ID3: variants seen among roughly 807,000 people sequenced by gnomAD.
The protein encoded by ID3 is inhibitor of DNA binding 3, also known as DNA-binding protein inhibitor ID-3.
In ID3, 4 loss-of-function variants were observed where a neutral mutation model predicts 9.6. That is an observed-to-expected ratio of 0.42 (90% confidence interval 0.21 to 0.96). ID3 has a LOEUF of 0.96. Among genes scored for constraint, ID3 ranks in the 40% least tolerant of loss-of-function variants. The pLI, the probability that ID3 is intolerant of heterozygous loss-of-function variation, is 0.30. For synonymous variants in ID3, 108 were observed against 75.2 expected (o/e 1.44, Z -2.26); for missense variants, 191 against 164.5 (o/e 1.16, Z -0.88).
In ID3 at chr1:23,557,965, A is replaced by C. The variant is rs1243728537; in HGVS notation, c.*476T>G. Reference sequence around the variant, plus strand: ...AAAATCGTTTATTATGCAAAATGTTAACTTTTATAAAAAGTTTAATATACA... The same window carrying C: ...AAAATCGTTTATTATGCAAAATGTTCACTTTTATAAAAAGTTTAATATACA... On this transcript the variant is annotated 3_prime_UTR_variant, in exon 3 of 3. Coordinates refer to ENST00000374561, the MANE Select transcript of ID3 (RefSeq NM_002167.5). 1 of 152,678 alleles carries C rather than the reference A, an allele frequency of 6.5e-6. No homozygotes were observed. The highest frequency in any genetic ancestry group is 1.5e-5 in the Non-Finnish European group (1 of 68,050). The allele number at this position is 152,678 out of a possible 1,614,324, so 9.5% of individuals were successfully genotyped here.
chr1:23,559,409 C>T lies in ID3; in HGVS notation c.18G>A (p.Pro6=), dbSNP rs367630056. The T allele has an allele frequency of 3.5e-5, 56 of 1,612,118 alleles. No individual in the cohort carries two copies. Among genetic ancestry groups the T allele is most frequent in the African/African-American group, 1.5e-4 (11 of 74,930 alleles). Reference sequence around the variant, plus strand: ...ACACCGCCTCGTAGCAGCCGCGCACCGGGCTCAGCGCCTTCATGCTGGGGA... The same window carrying T: ...ACACCGCCTCGTAGCAGCCGCGCACTGGGCTCAGCGCCTTCATGCTGGGGA... MKALS[P]VRGCYEAVCC... Residue 6 remains proline (P), a synonymous_variant, in exon 1 of 3, where the codon CCG becomes CCA. Coordinates refer to ENST00000374561, the MANE Select transcript of ID3 (RefSeq NM_002167.5).
In ID3 at chr1:23,559,130, G is replaced by T. The variant is rs1193477393; in HGVS notation, c.297C>A (p.Ile99=). 4 of 1,613,752 alleles carry T rather than the reference G, an allele frequency of 2.5e-6. No homozygotes were observed. Reference sequence around the variant, plus strand: ...CTGTCCCGACTTCGAGGCTTACCTGGATGGGAAGGTGGGGGCCATCAGGGG... The same window carrying T: ...CTGTCCCGACTTCGAGGCTTACCTGTATGGGAAGGTGGGGGCCATCAGGGG... ...PGPPDGPHLP[I]QTAELTPELV... Residue 99 remains isoleucine, a synonymous_variant, in exon 1 of 3, where the codon ATC becomes ATA. Transcript: ENST00000374561.
chr1:23,559,350 C>T lies in ID3; in HGVS notation c.77G>A (p.Arg26Gln), dbSNP rs765414579. 1.6e-5 allele frequency: 26 copies of T among 1,613,424 alleles called. No individual in the cohort carries two copies. Among genetic ancestry groups the T allele is most frequent in the Admixed American group, 8.3e-5 (5 of 60,024 alleles). The stretch of plus-strand genomic sequence containing the variant: ...AGCTGCCGGGCCCTTCCCTCGGCCC[C>T]GGGCGATGGCCAGACTGCGTTCCGA... ...CLSERSLAIARGRGKGPAAEE... is the reference protein window; with the variant it reads ...CLSERSLAIAQGRGKGPAAEE... The change falls in exon 1 of 3, where the codon CGG becomes CAG. Residue 26 changes from arginine to glutamine, a missense_variant. Transcript: ENST00000374561.
chr1:23,558,605 C>T (rs1027809313), intron 2 of ID3, 190 bp from the exon 3 acceptor site: 2 of 223,036 alleles, frequency 9.0e-6, no homozygotes, highest in African/African-American at 2.3e-5. Context: ...CGCTACCCCT[C>T]CTACTTGGAA....
In ID3 at chr1:23,559,333, G is replaced by A. The variant is rs759191680; in HGVS notation, c.94C>T (p.Pro32Ser). Residue 32 changes from proline to serine, a missense_variant, in exon 1 of 3, where the codon CCG (proline) becomes TCG (serine). Pro to Ser is a moderately conservative substitution (Grantham distance 74). Transcript: ENST00000374561. ...AAGCTCAGCGGCTCCTCAGCTGCCG[G>A]GCCCTTCCCTCGGCCCCGGGCGATG... is the stretch of plus-strand genomic sequence containing the variant. ...LAIARGRGKGPAAEEPLSLLD... is the reference protein window; with the variant it reads ...LAIARGRGKGSAAEEPLSLLD... 5.6e-6 allele frequency: 9 copies of A among 1,613,590 alleles called. No homozygotes were observed. The highest frequency in any genetic ancestry group is 2.2e-5 in the East Asian group (1 of 44,880).
In ID3 at chr1:23,559,310, G is replaced by C; in HGVS notation, c.117C>G (p.Ser39Arg). 1 of 1,613,920 alleles carries C rather than the reference G, an allele frequency of 6.2e-7. No individual in the cohort carries two copies. Among genetic ancestry groups the C allele is most frequent in the Non-Finnish European group, 8.5e-7 (1 of 1,180,040 alleles). The change falls in exon 1 of 3, where the codon AGC (serine) becomes AGG (arginine). Residue 39 changes from serine (S) to arginine (R), a missense_variant. Transcript: ENST00000374561. ...AGCAGTGGTTCATGTCGTCCAGCAA[G>C]CTCAGCGGCTCCTCAGCTGCCGGGC... is the stretch of plus-strand genomic sequence containing the variant. ...GKGPAAEEPL[S>R]LLDDMNHCYS...
rs142466418 is a variant in ID3 at position 23,559,002 on chromosome 1, C to G, written c.318G>C (p.Pro106=). The change falls in exon 2 of 3, where the codon CCG becomes CCC. Residue 106 remains proline, a synonymous_variant. Coordinates refer to ENST00000374561, the MANE Select transcript of ID3 (RefSeq NM_002167.5). ...TTTTGTCGTTGGAGATGACAAGTTCCGGAGTGAGCTCGGCTGTCTGATTAG... is the reference window on the plus strand; with the variant it reads ...TTTTGTCGTTGGAGATGACAAGTTCGGGAGTGAGCTCGGCTGTCTGATTAG... ...HLPIQTAELT[P]ELVISNDKRS... 6.8e-6 allele frequency: 11 copies of G among 1,614,040 alleles called. No individual in the cohort carries two copies. Among genetic ancestry groups the G allele is most frequent in the Middle Eastern group, 3.3e-4 (2 of 6,084 alleles).
chr1:23,558,756 C>T (rs1213995304), intron 2 of ID3, 179 bp downstream of exon 2: 14 of 596,806 alleles, frequency 2.3e-5, no homozygotes, highest in Non-Finnish European at 4.2e-5. Flanking sequence ...GCATTTAAGG[C>T]TTAAATGCAC....
intron 2 of ID3, chr1:23,558,652 C>CGGTGGTCG: frequency 5.3e-6 from 2 of 378,026 alleles, no homozygotes; most frequent in South Asian, 3.2e-5. Context: ...GAAGACAGCT[C>CGGTGGTCG]CCTATACAAC....
At chr1:23,558,746 G>T in intron 2 of ID3, 189 bp downstream of exon 2, 1 of 579,406 alleles carries the variant, frequency 1.7e-6, no homozygotes, top group Non-Finnish European at 3.1e-6. Context: ...GGGCCCAGGC[G>T]CATTTAAGGC....
rs1643683060 is a variant in ID3 at position 23,558,991 on chromosome 1, A to G, written c.329T>C (p.Ile110Thr). 6.2e-7 allele frequency: 1 copy of G among 1,614,072 alleles called. No individual in the cohort carries two copies. The highest frequency in any genetic ancestry group is 1.3e-5 in the African/African-American group (1 of 74,940). Residue 110 changes from isoleucine (I) to threonine (T), a missense_variant, in exon 2 of 3, where the codon ATC becomes ACC. Physicochemically the swap from Ile to Thr is moderately conservative, Grantham distance 89. Coordinates refer to ENST00000374561, the MANE Select transcript of ID3 (RefSeq NM_002167.5). ...QTAELTPELV[I>T]SNDKRSFCH ...GCAAAAGCTCCTTTTGTCGTTGGAGATGACAAGTTCCGGAGTGAGCTCGGC... is the reference window on the plus strand; with the variant it reads ...GCAAAAGCTCCTTTTGTCGTTGGAGGTGACAAGTTCCGGAGTGAGCTCGGC...
chr1:23,559,441 C>T lies in ID3; in HGVS notation c.-15G>A. On this transcript the variant is annotated 5_prime_UTR_variant, in exon 1 of 3. Coordinates refer to ENST00000374561, the MANE Select transcript of ID3 (RefSeq NM_002167.5). ...AGCGCCTTCATGCTGGGGAGTGAGT[C>T]CAGAGGTGCCCCAAAGAGAAAGAAA... 6.2e-7 allele frequency: 1 copy of T among 1,603,290 alleles called. No homozygotes were observed. Among genetic ancestry groups the T allele is most frequent in the Non-Finnish European group, 8.5e-7 (1 of 1,173,836 alleles).
At position 23,558,951 on chromosome 1, in the gene ID3, A is replaced by G; in HGVS notation, c.*9T>C. On this transcript the variant is annotated 3_prime_UTR_variant, in exon 2 of 3. Transcript: ENST00000374561. ...GATACTCACCTGGAGGTGTCAGGAC[A>G]CGGCCGAGTCAGTGGCAAAAGCTCC... 6.2e-7 allele frequency: 1 copy of G among 1,613,320 alleles called. No individual in the cohort carries two copies. The highest frequency in any genetic ancestry group is 8.5e-7 in the Non-Finnish European group (1 of 1,179,396).
Position 23,558,020 on chromosome 1 carries a change from T to TA in ID3, c.*420dup, listed in dbSNP as rs1458833556. On this transcript the variant is annotated 3_prime_UTR_variant, in exon 3 of 3. Coordinates refer to ENST00000374561, the MANE Select transcript of ID3 (RefSeq NM_002167.5). ...ATTGTTACAGAAAGTCACCTTCCTG[T>TA]AAAAAAGGTACAAAACCTATATACT... is the stretch of plus-strand genomic sequence containing the variant. 1 of 152,594 alleles carries TA rather than the reference T, an allele frequency of 6.6e-6. No individual in the cohort carries two copies. The highest frequency in any genetic ancestry group is 2.4e-5 in the African/African-American group (1 of 41,428). 9.5% of individuals were successfully genotyped at this position (152,594 alleles called of 1,614,324 possible). A position where few individuals can be genotyped will look rare whatever the true frequency, so the allele number is the denominator to read the frequency against.
rs1643689499 is a variant in ID3, at chr1:23,559,317, G to A, written c.110C>T (p.Pro37Leu). 4 of 1,613,666 alleles carry A rather than the reference G, an allele frequency of 2.5e-6. No individual in the cohort carries two copies. The highest frequency in any genetic ancestry group is 2.2e-5 in the East Asian group (1 of 44,898). Residue 37 changes from proline to leucine, a missense_variant, in exon 1 of 3, where the codon CCG (proline) becomes CTG (leucine). Pro to Leu is a moderately conservative substitution (Grantham distance 98, BLOSUM62 -3). Transcript: ENST00000374561. The part of the protein sequence containing the change: ...GRGKGPAAEE[P>L]LSLLDDMNHC... ...GTTCATGTCGTCCAGCAAGCTCAGCGGCTCCTCAGCTGCCGGGCCCTTCCC... is the reference window on the plus strand; with the variant it reads ...GTTCATGTCGTCCAGCAAGCTCAGCAGCTCCTCAGCTGCCGGGCCCTTCCC...
chr1:23,559,345 G>C lies in ID3; in HGVS notation c.82C>G (p.Arg28Gly). The C allele has an allele frequency of 1.2e-6, 2 of 1,613,286 alleles. No homozygotes were observed. The highest frequency in any genetic ancestry group is 1.7e-6 in the Non-Finnish European group (2 of 1,180,004). The change falls in exon 1 of 3, where the codon CGA becomes GGA. Residue 28 changes from arginine to glycine, a missense_variant. Arg to Gly is a moderately radical substitution (Grantham distance 125, BLOSUM62 -2). Coordinates refer to ENST00000374561, the MANE Select transcript of ID3 (RefSeq NM_002167.5). ...SERSLAIARGRGKGPAAEEPL... is the reference protein window; with the variant it reads ...SERSLAIARGGGKGPAAEEPL... Reference sequence around the variant, plus strand: ...TCCTCAGCTGCCGGGCCCTTCCCTCGGCCCCGGGCGATGGCCAGACTGCGT... The same window carrying C: ...TCCTCAGCTGCCGGGCCCTTCCCTCCGCCCCGGGCGATGGCCAGACTGCGT...
In ID3 at chr1:23,559,394, G is replaced by A. The variant is rs575432161; in HGVS notation, c.33C>T (p.Tyr11=). The change falls in exon 1 of 3, where the codon TAC becomes TAT. Residue 11 remains tyrosine (Y), a synonymous_variant. Transcript: ENST00000374561. MKALSPVRGC[Y]EAVCCLSERS... ...GTTCCGACAGGCAGCACACCGCCTC[G>A]TAGCAGCCGCGCACCGGGCTCAGCG... is the stretch of plus-strand genomic sequence containing the variant. 51 of 1,612,558 alleles carry A rather than the reference G, an allele frequency of 3.2e-5. 1 individual carries two copies. Among genetic ancestry groups the A allele is most frequent in the South Asian group, 3.0e-4 (27 of 91,018 alleles).
Position 23,559,008 on chromosome 1 carries a change from G to A in ID3, c.312C>T (p.Leu104=), listed in dbSNP as rs537048019. Residue 104 remains leucine, a synonymous_variant, in exon 2 of 3, where the codon CTC becomes CTT. Transcript: ENST00000374561. Reference sequence around the variant, plus strand: ...CGTTGGAGATGACAAGTTCCGGAGTGAGCTCGGCTGTCTGATTAGAGGAAA... The same window carrying A: ...CGTTGGAGATGACAAGTTCCGGAGTAAGCTCGGCTGTCTGATTAGAGGAAA... ...GPHLPIQTAE[L]TPELVISNDK... is the part of the protein sequence containing the mutation. 8 of 1,614,016 alleles carry A rather than the reference G, an allele frequency of 5.0e-6. No homozygotes were observed. Among genetic ancestry groups the A allele is most frequent in the South Asian group, 4.4e-5 (4 of 91,076 alleles).
rs146163818 is a variant in ID3, at chr1:23,559,282, A to T, written c.145T>A (p.Ser49Thr). The T allele has an allele frequency of 8.9e-5, 144 of 1,614,052 alleles. No homozygotes were observed. The highest frequency in any genetic ancestry group is 6.6e-4 in the Middle Eastern group (4 of 6,062). Reference protein sequence around the residue: ...SLLDDMNHCYSRLRELVPGVP... With the variant: ...SLLDDMNHCYTRLRELVPGVP... ...CCGGGTACCAGTTCCCGCAGGCGGG[A>T]GTAGCAGTGGTTCATGTCGTCCAGC... The change falls in exon 1 of 3, where the codon TCC (serine) becomes ACC (threonine). Residue 49 changes from serine to threonine, a missense_variant. Physicochemically the swap from Ser to Thr is moderately conservative, Grantham distance 58. Coordinates refer to ENST00000374561, the MANE Select transcript of ID3 (RefSeq NM_002167.5).
Sources: allele counts gnomAD v4.1 joint callset, GRCh38; gene constraint gnomAD v4.1.1; transcripts MANE v1.5; gene names NCBI Gene and HGNC (gene_info 2026-07-23, HGNC 2026-07-21).